Variants in TTC33 observed in about 807,000 individuals in gnomAD.
The protein encoded by TTC33 is tetratricopeptide repeat domain 33.
Under a neutral mutation model 29.4 loss-of-function variants are expected in TTC33, and 24 were observed. The ratio of observed to expected loss-of-function variants is 0.82; its 90% confidence interval spans 0.59 to 1.15. The LOEUF is 1.15. Ranked by LOEUF, TTC33 falls within the 50% of genes most tolerant of loss-of-function variation. The probability of loss-of-function intolerance (pLI) is 0.00; values close to 1 mark genes in which losing one functional copy is unlikely to be tolerated. For missense variants in TTC33, 286 were observed against 310.4 expected (o/e 0.92, Z 0.59); for synonymous variants, 107 against 100.3 (o/e 1.07, Z -0.40).
intron 2 of TTC33, among the ~76,000 whole-genome samples, chr5:40,737,166 G>A (rs956836531): frequency 2.0e-5 from 3 of 152,050 alleles, no homozygotes; most frequent in South Asian, 2.1e-4. Context: ...GCATGGTGGC[G>A]CACACCTGTA....
intron 4 of TTC33, among the ~76,000 whole-genome samples, chr5:40,718,062 CAAAA>C (rs138655383): frequency 3.0e-5 from 4 of 132,934 alleles, no homozygotes; most frequent in African/African-American, 1.1e-4. Context: ...AACTCCGTCT[CAAAA>C]AAAAAAAAGA....
rs140055370 is a variant in TTC33 at position 40,737,234 on chromosome 5, T to C, written c.222-6891A>G. Reference sequence around the variant, plus strand: ...ATCACTTGAACCTGGAAAGTGGAGATTGCAATGAGACAAGATCGTGCTACT... The same window carrying C: ...ATCACTTGAACCTGGAAAGTGGAGACTGCAATGAGACAAGATCGTGCTACT... On this transcript the variant is annotated intron_variant, in intron 2 of 4. Coordinates refer to ENST00000337702, the MANE Select transcript of TTC33 (RefSeq NM_012382.3). 4.2e-3 allele frequency among the ~76,000 whole-genome samples: 631 copies of C among 151,916 alleles called. 2 individuals carry two copies. The highest frequency in any genetic ancestry group is 0.015 in the African/African-American group (604 of 41,406).
chr5:40,712,951 G>T lies in TTC33; in HGVS notation c.*3194C>A, dbSNP rs1741925562. On this transcript the variant is annotated 3_prime_UTR_variant, in exon 5 of 5. Transcript: ENST00000337702. Reference sequence around the variant, plus strand: ...TTAATTGCAAGTGACTAAGGTAAATGACTTTAGGGATAACCTCCTTTATTT... The same window carrying T: ...TTAATTGCAAGTGACTAAGGTAAATTACTTTAGGGATAACCTCCTTTATTT... Among the ~76,000 whole-genome samples, 1 of 152,032 alleles carries T rather than the reference G, an allele frequency of 6.6e-6. No homozygotes were observed.
chr5:40,730,447 C>A (rs1742401056), intron 2 of TTC33, 104 bp from the exon 3 acceptor site: 1 of 855,840 alleles, frequency 1.2e-6, no homozygotes, highest in Non-Finnish European at 1.9e-6. Flanking sequence ...ACCATCTTAA[C>A]CATTTAAGTG....
intron 2 of TTC33, among the ~76,000 whole-genome samples, chr5:40,733,121 G>C (rs1742471500): frequency 6.6e-6 from 1 of 152,228 alleles, no homozygotes; most frequent in East Asian, 1.9e-4. Flanking sequence ...TTCATATATA[G>C]AAATTATAAG....
intron 1 of TTC33, among the ~76,000 whole-genome samples, chr5:40,753,044 A>T (rs895878627): frequency 2.0e-5 from 3 of 152,204 alleles, no homozygotes; most frequent in African/African-American, 7.2e-5. Flanking sequence ...AATGAATATG[A>T]GAGAGTGCCA....
intron 4 of TTC33, among the ~76,000 whole-genome samples, chr5:40,726,394 A>G (rs434778): frequency 0.69 from 104,138 of 151,156 alleles, 35,932 homozygotes; most frequent in East Asian, 0.8. Context: ...ATTGTTAGAT[A>G]TTAGAAATTC....
In TTC33 at chr5:40,713,844, A is replaced by T. The variant is rs1464030829; in HGVS notation, c.*2301T>A. The stretch of plus-strand genomic sequence containing the variant: ...ATTTGTTATTAAAATTAACAAGCTT[A>T]GTCTATGTTTGTATATCAGTATTCA... On this transcript the variant is annotated 3_prime_UTR_variant, in exon 5 of 5. Transcript: ENST00000337702. 1.3e-5 allele frequency among the ~76,000 whole-genome samples: 2 copies of T among 149,766 alleles called. No homozygotes were observed. The highest frequency in any genetic ancestry group is 3.0e-5 in the Non-Finnish European group (2 of 66,898).
intron 2 of TTC33, among the ~76,000 whole-genome samples, chr5:40,736,784 A>G (rs1742561160): frequency 6.6e-6 from 1 of 152,170 alleles, no homozygotes; most frequent in Non-Finnish European, 1.5e-5. Context: ...TGAGGTAGAA[A>G]TTGACAAAAA....
intron 4 of TTC33, among the ~76,000 whole-genome samples, chr5:40,718,570 T>C (rs1742056412): frequency 6.6e-6 from 1 of 151,924 alleles, no homozygotes; most frequent in African/African-American, 2.4e-5. Context: ...TGAAACCCTG[T>C]CTCTACTAAA....
chr5:40,722,503 C>G (rs941421001), intron 4 of TTC33, among the ~76,000 whole-genome samples: 2 of 151,200 alleles, frequency 1.3e-5, no homozygotes, highest in African/African-American at 4.9e-5. Flanking sequence ...ATGTGGGGAG[C>G]GCCTCTGCCC....
intron 2 of TTC33, among the ~76,000 whole-genome samples, chr5:40,736,771 C>T (rs1469948089): frequency 6.6e-5 from 10 of 152,038 alleles, no homozygotes; most frequent in Admixed American, 5.9e-4. Context: ...ACCATTTGAC[C>T]TATGAGGTAG....
chr5:40,747,776 A>G (rs1422047128), intron 1 of TTC33, among the ~76,000 whole-genome samples: 1 of 152,178 alleles, frequency 6.6e-6, no homozygotes. Flanking sequence ...ACTAACCAAC[A>G]TAACATGTGG....
chr5:40,734,962 G>C (rs565384160), intron 2 of TTC33, among the ~76,000 whole-genome samples: 1 of 152,184 alleles, frequency 6.6e-6, no homozygotes, highest in Non-Finnish European at 1.5e-5. Context: ...GGTCTTCCTA[G>C]GAACGCATTC....
intron 2 of TTC33, among the ~76,000 whole-genome samples, chr5:40,739,885 T>C (rs1742656913): frequency 1.3e-5 from 2 of 152,198 alleles, no homozygotes; most frequent in Admixed American, 1.3e-4. Flanking sequence ...CATGTTTTGC[T>C]GAATTTTTTT....
At chr5:40,721,316 G>A (rs762733602) in intron 4 of TTC33, among the ~76,000 whole-genome samples, 1 of 152,080 alleles carries the variant, frequency 6.6e-6, no homozygotes. Context: ...TTAGAAGTAA[G>A]AACAAAACTA....
intron 2 of TTC33, among the ~76,000 whole-genome samples, chr5:40,736,136 G>A (rs182483000): frequency 2.4e-4 from 37 of 152,250 alleles, no homozygotes; most frequent in African/African-American, 8.2e-4. Flanking sequence ...GTGGAGTGGT[G>A]GGCCTTTGAT....
At chr5:40,716,692 AAAGT>A (rs1170099945) in intron 4 of TTC33, among the ~76,000 whole-genome samples, 194 bp from the exon 5 acceptor site, 1 of 152,234 alleles carries the variant, frequency 6.6e-6, no homozygotes, top group East Asian at 1.9e-4. Flanking sequence ...AGTGTGAAAG[AAAGT>A]GACTGACAAT....
At chr5:40,750,575 A>G (rs747794671) in intron 1 of TTC33, among the ~76,000 whole-genome samples, 1 of 152,012 alleles carries the variant, frequency 6.6e-6, no homozygotes, top group African/African-American at 2.4e-5. Flanking sequence ...CCAAAAAAAA[A>G]ACAACAACAA....
Sources: allele counts gnomAD v4.1 joint callset (sites outside exome capture counted in the v4.1 genomes callset), GRCh38; gene constraint gnomAD v4.1.1; transcripts MANE v1.5; gene names NCBI Gene and HGNC (gene_info 2026-07-23, HGNC 2026-07-21).